AMPH: variants seen among roughly 807,000 people sequenced by gnomAD.
AMPH encodes amphiphysin, also known as amphiphysin (Stiff-Mann syndrome with breast cancer 128kD autoantigen).
AMPH carries 49 observed loss-of-function variants against 99.1 expected under a neutral mutation model. That is an observed-to-expected ratio of 0.49 (90% confidence interval 0.39 to 0.63). The LOEUF (loss-of-function observed/expected upper bound fraction) is 0.63. Among genes scored for constraint, AMPH ranks in the 20% least tolerant of loss-of-function variants. AMPH has a pLI of 0.00. For missense variants in AMPH, 759 were observed against 863.4 expected (o/e 0.88, Z 1.52); for synonymous variants, 314 against 317.3 (o/e 0.99, Z 0.11).
intron 20 of AMPH, among the ~76,000 whole-genome samples, chr7:38,388,221 T>C (rs978058690): frequency 1.3e-5 from 2 of 152,072 alleles, no homozygotes; most frequent in Non-Finnish European, 2.9e-5. Context: ...CTAACTTTTT[T>C]TCCTTTTATT....
chr7:38,489,943 A>G (rs991411038), intron 5 of AMPH, among the ~76,000 whole-genome samples: 2 of 152,152 alleles, frequency 1.3e-5, no homozygotes, highest in Non-Finnish European at 2.9e-5. Flanking sequence ...ATCTCATGTC[A>G]TATGTTCTTA....
At position 38,418,088 on chromosome 7, in the gene AMPH, C is replaced by A. The variant is rs10247761; in HGVS notation, c.1273-138G>T. 0.24 allele frequency: 218,396 copies of A among 915,138 alleles called. 27,847 individuals carry two copies. Among genetic ancestry groups the A allele is most frequent in the Middle Eastern group, 0.32 (1,261 of 3,958 alleles). The allele number at this position is 915,138 out of a possible 1,614,324, so 56.7% of individuals were successfully genotyped here. ...TCATGAAATCCGTGCTGGAGAAAAG[C>A]CCCCATTTGCCATCATAGGCTTTTA... On this transcript the variant is annotated intron_variant, in intron 16 of 20. Transcript: ENST00000356264.
intron 14 of AMPH, chr7:38,428,991 C>T (rs1373039592): frequency 3.1e-6 from 4 of 1,288,838 alleles, no homozygotes; most frequent in Non-Finnish European, 3.0e-6. Context: ...TGTCCTTTCA[C>T]ATGCTTTCTC....
chr7:38,563,134 G>GA (rs1554362262), intron 1 of AMPH, among the ~76,000 whole-genome samples: 44 of 150,436 alleles, frequency 2.9e-4, no homozygotes, highest in African/African-American at 1.0e-3. Context: ...AGCACTGAAT[G>GA]ATGAATGAAT....
chr7:38,538,048 A>G (rs1384763126), intron 1 of AMPH, among the ~76,000 whole-genome samples: 2 of 152,242 alleles, frequency 1.3e-5, no homozygotes, highest in Non-Finnish European at 2.9e-5. Flanking sequence ...CAAAAAGTGC[A>G]TTAAAAATTT....
chr7:38,472,700 T>G (rs1787929854), intron 7 of AMPH, among the ~76,000 whole-genome samples: 1 of 152,184 alleles, frequency 6.6e-6, no homozygotes, highest in Non-Finnish European at 1.5e-5. Context: ...CAGGTTTTGA[T>G]CGAAAGGCAG....
At chr7:38,443,767 C>A (rs1039146199) in intron 11 of AMPH, among the ~76,000 whole-genome samples, 1 of 151,952 alleles carries the variant, frequency 6.6e-6, no homozygotes, top group African/African-American at 2.4e-5. Flanking sequence ...ATACTACATG[C>A]TCTTCCTCTA....
chr7:38,558,138 G>A (rs1791429795), intron 1 of AMPH, among the ~76,000 whole-genome samples: 1 of 152,196 alleles, frequency 6.6e-6, no homozygotes, highest in Non-Finnish European at 1.5e-5. Flanking sequence ...TTTTCAGAAT[G>A]CTCCATCTTG....
chr7:38,603,924 T>C (rs1040303250), intron 1 of AMPH, among the ~76,000 whole-genome samples: 1 of 152,254 alleles, frequency 6.6e-6, no homozygotes, highest in Non-Finnish European at 1.5e-5. Context: ...CTGACAAACA[T>C]GTGACTGTGT....
chr7:38,523,278 C>T (rs1423373997), intron 2 of AMPH, among the ~76,000 whole-genome samples: 1 of 152,046 alleles, frequency 6.6e-6, no homozygotes, highest in African/African-American at 2.4e-5. Context: ...ATCCTGTCCA[C>T]TTAGAAGGCC....
At chr7:38,566,259 G>A (rs1475766279) in intron 1 of AMPH, among the ~76,000 whole-genome samples, 3 of 152,010 alleles carry the variant, frequency 2.0e-5, no homozygotes, top group African/African-American at 7.2e-5. Flanking sequence ...CTATCAAGGA[G>A]CTCAAAATCT....
At chr7:38,564,407 C>T (rs1214641093) in intron 1 of AMPH, among the ~76,000 whole-genome samples, 2 of 152,160 alleles carry the variant, frequency 1.3e-5, no homozygotes, top group Non-Finnish European at 2.9e-5. Flanking sequence ...CCTCAAGTGG[C>T]AAGGTGGTGG....
chr7:38,497,224 C>T (rs1004807336), intron 3 of AMPH, among the ~76,000 whole-genome samples: 7 of 151,680 alleles, frequency 4.6e-5, no homozygotes, highest in Admixed American at 6.6e-5. Context: ...GTATGATGGG[C>T]GAAAAAAGCT....
chr7:38,474,641 C>T (rs564896374), intron 7 of AMPH, among the ~76,000 whole-genome samples: 13 of 152,154 alleles, frequency 8.5e-5, no homozygotes, highest in African/African-American at 2.6e-4. Flanking sequence ...TTATTTTAAG[C>T]ACAACTCTGG....
chr7:38,546,093 A>G (rs1790987200), intron 1 of AMPH, among the ~76,000 whole-genome samples: 1 of 152,182 alleles, frequency 6.6e-6, no homozygotes, highest in South Asian at 2.1e-4. Flanking sequence ...AGATTGCTCA[A>G]GAAGGAACTC....
At chr7:38,500,505 C>G (rs1171660068) in intron 3 of AMPH, among the ~76,000 whole-genome samples, 1 of 152,138 alleles carries the variant, frequency 6.6e-6, no homozygotes. Context: ...GCCTCATCCT[C>G]AGGGAATTCT....
chr7:38,400,058 C>T (rs765033872), intron 17 of AMPH, among the ~76,000 whole-genome samples: 2 of 152,086 alleles, frequency 1.3e-5, no homozygotes, highest in Admixed American at 6.6e-5. Context: ...CCATACATAC[C>T]TCATTGCTTT....
chr7:38,605,564 G>A (rs534726723), intron 1 of AMPH, among the ~76,000 whole-genome samples: 3 of 151,048 alleles, frequency 2.0e-5, no homozygotes, highest in Non-Finnish European at 4.4e-5. Flanking sequence ...TTTTCTTTTC[G>A]TTTTTTCTTT....
At chr7:38,440,472 G>T (rs1327244964) in intron 11 of AMPH, among the ~76,000 whole-genome samples, 1 of 152,108 alleles carries the variant, frequency 6.6e-6, no homozygotes, top group Non-Finnish European at 1.5e-5. Context: ...CTACACAAAG[G>T]AGGAGAACCA....
Sources: gnomAD v4.1 joint callset for allele counts (sites outside exome capture counted in the v4.1 genomes callset) on GRCh38, gnomAD v4.1.1 for gene constraint, MANE v1.5 for transcripts, NCBI Gene and HGNC (gene_info 2026-07-23, HGNC 2026-07-21) for gene names.